PCAT7: variants seen among roughly 807,000 people sequenced by gnomAD.
PCAT7 encodes prostate cancer associated transcript 7 (non-protein coding).
At chr9:94,561,109 T>C (rs548541755) in intron 2 of PCAT7, among the ~76,000 whole-genome samples, 31 of 152,230 alleles carry the variant, frequency 2.0e-4, no homozygotes, top group African/African-American at 6.0e-4. Context: ...GCTCAGCATT[T>C]TTCTCCCCTT....
chr9:94,571,647 G>A, intron 2 of PCAT7: 1 of 1,546,722 alleles, frequency 6.5e-7, no homozygotes, highest in Non-Finnish European at 8.8e-7. Context: ...GTTGTCTCTG[G>A]AGAGAACACT....
intron 1 of PCAT7, among the ~76,000 whole-genome samples, chr9:94,558,440 G>A (rs1172850927): frequency 1.3e-5 from 2 of 151,968 alleles, no homozygotes; most frequent in Non-Finnish European, 2.9e-5. Flanking sequence ...GACTACAGGC[G>A]CCCGCCACCA....
chr9:94,555,584 A>AG lies in PCAT7; in HGVS notation n.257+281dup, dbSNP rs1438272846. Among the ~76,000 whole-genome samples, 10 of 128,100 alleles carry AG rather than the reference A, an allele frequency of 7.8e-5. No individual in the cohort carries two copies. The East Asian group carries it at 8.2e-4, about 10-fold the overall frequency. The allele number at this position is 128,100 out of a possible 152,430, so 84.0% of individuals were successfully genotyped here. A position where few individuals can be genotyped will look rare whatever the true frequency, so the allele number is the denominator to read the frequency against. ...CAATTGGGAAGAGGAAAGAGTGGTG[A>AG]GGGGGGGAAAATGGGCGAGCAGTAG... is the stretch of plus-strand genomic sequence containing the variant. On this transcript the variant is annotated intron_variant and non_coding_transcript_variant, in intron 1 of 8. Coordinates refer to ENST00000647389, the Ensembl canonical transcript of PCAT7.
intron 2 of PCAT7, among the ~76,000 whole-genome samples, chr9:94,572,032 G>T (rs1165166945): frequency 6.6e-6 from 1 of 152,132 alleles, no homozygotes; most frequent in Non-Finnish European, 1.5e-5. Flanking sequence ...AACTCTGAGA[G>T]CAAAACCACC....
At chr9:94,574,268 A>G (rs1050300432) in intron 3 of PCAT7, among the ~76,000 whole-genome samples, 2 of 152,270 alleles carry the variant, frequency 1.3e-5, no homozygotes, top group African/African-American at 2.4e-5. Flanking sequence ...GAGTGCATCA[A>G]TTTATACTTT....
intron 1 of PCAT7, among the ~76,000 whole-genome samples, chr9:94,557,533 G>A (rs928854293): frequency 2.6e-5 from 4 of 152,192 alleles, no homozygotes; most frequent in African/African-American, 7.2e-5. Context: ...ACTGAGGAAC[G>A]ATGTTGCGTA....
intron 2 of PCAT7, chr9:94,571,446 C>T (rs1346312457): frequency 6.3e-7 from 1 of 1,595,246 alleles, no homozygotes; most frequent in Non-Finnish European, 8.5e-7. Context: ...CAGATGATGC[C>T]ATATTCTGTA....
chr9:94,565,385 A>AAAAAAAG lies in PCAT7; in HGVS notation n.441+6234_441+6235insAAAAAGA, dbSNP rs773350863. Among the ~76,000 whole-genome samples, 146 of 134,880 alleles carry AAAAAAAG rather than the reference A, an allele frequency of 1.1e-3. 4 individuals carry two copies. Among genetic ancestry groups the AAAAAAAG allele is most frequent in the Non-Finnish European group, 1.6e-3 (100 of 64,246 alleles). 88.5% of individuals were successfully genotyped at this position (134,880 alleles called of 152,430 possible). ...CTCCACCTCAAAAAAAAAAAAAAAA[A>AAAAAAAG]AGATGTTCCCAGTGGGGTTTTTGAG... On this transcript the variant is annotated intron_variant and non_coding_transcript_variant, in intron 2 of 8. Transcript: ENST00000647389.
chr9:94,565,911 T>C (rs1365398698), intron 2 of PCAT7, among the ~76,000 whole-genome samples: 4 of 152,156 alleles, frequency 2.6e-5, no homozygotes, highest in African/African-American at 4.8e-5. Flanking sequence ...TGCCCTTGAC[T>C]AATTACACCC....
At chr9:94,569,454 A>G (rs1017431145) in intron 2 of PCAT7, 10 of 152,268 alleles carry the variant, frequency 6.6e-5, no homozygotes, top group African/African-American at 2.2e-4. Context: ...TCATCTGAAC[A>G]GTGGCACTCA....
chr9:94,561,354 T>TA, intron 2 of PCAT7, among the ~76,000 whole-genome samples: 1 of 45,166 alleles, frequency 2.2e-5, no homozygotes, highest in African/African-American at 6.6e-5. Context: ...TGACCTGTAT[T>TA]TTTTTTTTTT....
chr9:94,569,971 C>T (rs1189872977), intron 2 of PCAT7: 1 of 152,234 alleles, frequency 6.6e-6, no homozygotes, highest in Non-Finnish European at 1.5e-5. Context: ...GTCAAACAGG[C>T]ACTAAGCTTT....
chr9:94,563,218 T>G, intron 2 of PCAT7: 2 of 1,110,110 alleles, frequency 1.8e-6, no homozygotes, highest in South Asian at 1.7e-5. Context: ...TCATTTTTCC[T>G]CCCCTGCCCA....
intron 2 of PCAT7, among the ~76,000 whole-genome samples, chr9:94,559,571 GTC>G (rs1827063452): frequency 6.6e-6 from 1 of 150,730 alleles, no homozygotes; most frequent in Non-Finnish European, 1.5e-5. Context: ...ATGCCGGCTT[GTC>G]TCTCTGGGGA....
chr9:94,562,772 T>G (rs1216565351), intron 2 of PCAT7, among the ~76,000 whole-genome samples: 2 of 152,208 alleles, frequency 1.3e-5, no homozygotes, highest in East Asian at 3.8e-4. Flanking sequence ...ATTTTAAGTT[T>G]TGCATCATTA....
At chr9:94,567,445 A>C in intron 2 of PCAT7, 2 of 1,572,696 alleles carry the variant, frequency 1.3e-6, no homozygotes, top group Non-Finnish European at 1.7e-6. Context: ...AGAAGAGAGA[A>C]GCCAGGAAAC....
intron 2 of PCAT7, among the ~76,000 whole-genome samples, chr9:94,565,851 C>T (rs977286373): frequency 4.6e-5 from 7 of 151,966 alleles, no homozygotes; most frequent in Non-Finnish European, 7.4e-5. Flanking sequence ...TATAGATGCT[C>T]GTAACTTGGG....
chr9:94,573,498 A>G (rs1361396065), intron 3 of PCAT7, among the ~76,000 whole-genome samples: 1 of 145,414 alleles, frequency 6.9e-6, no homozygotes, highest in Non-Finnish European at 1.5e-5. Context: ...GCCTCAAGCA[A>G]TCCTCCTACC....
chr9:94,567,321 C>G lies in PCAT7; in HGVS notation n.442-5658C>G, dbSNP rs765587674. On this transcript the variant is annotated intron_variant and non_coding_transcript_variant, in intron 2 of 8. Coordinates refer to ENST00000647389, the Ensembl canonical transcript of PCAT7. Reference sequence around the variant, plus strand: ...ATTCAGTGGTGGCCGCATCAAAATACTTGGCATAGCCCTCATTCAGGCTGT... The same window carrying G: ...ATTCAGTGGTGGCCGCATCAAAATAGTTGGCATAGCCCTCATTCAGGCTGT... 22 of 1,614,098 alleles carry G rather than the reference C, an allele frequency of 1.4e-5. No homozygotes were observed. In the Middle Eastern group the frequency reaches 6.6e-4, roughly 48 times the overall value.
Sources: gnomAD v4.1 joint callset for allele counts (sites outside exome capture counted in the v4.1 genomes callset) on GRCh38, gnomAD v4.1.1 for gene constraint, MANE v1.5 for transcripts, NCBI Gene and HGNC (gene_info 2026-07-23, HGNC 2026-07-21) for gene names.